Variants in LIMA1 observed in about 807,000 individuals in gnomAD.
LIMA1 encodes the protein LIM domain and actin-binding protein 1.
Under a neutral mutation model 62.6 loss-of-function variants are expected in LIMA1, and 52 were observed. That is an observed-to-expected ratio of 0.83 (90% CI 0.67 to 1.05). The LOEUF (loss-of-function observed/expected upper bound fraction) is 1.05. LIMA1 is among the 50% of genes least tolerant of loss of function. The pLI is 0.00. For missense variants in LIMA1, 780 were observed against 902.2 expected, an observed-to-expected ratio of 0.86 and a Z score of 1.74; for synonymous variants, 302 against 317.8, an observed-to-expected ratio of 0.95 and a Z score of 0.53.
intron 1 of LIMA1, among the ~76,000 whole-genome samples, chr12:50,255,337 A>C (rs1941981055): frequency 6.6e-6 from 1 of 151,900 alleles, no homozygotes; most frequent in Non-Finnish European, 1.5e-5. Context: ...GGCAGATCAC[A>C]TGAGCTCAGG....
At chr12:50,245,513 A>G (rs897326856) in intron 2 of LIMA1, among the ~76,000 whole-genome samples, 3 of 151,914 alleles carry the variant, frequency 2.0e-5, no homozygotes, top group Admixed American at 6.5e-5. Context: ...TTTAATGAGG[A>G]CACCATTGGT....
chr12:50,225,835 T>C (rs2358539), intron 3 of LIMA1, among the ~76,000 whole-genome samples: 56,128 of 152,046 alleles, frequency 0.37, 11,052 homozygotes, highest in South Asian at 0.49. Context: ...TAAGCCACCA[T>C]GCCTGGCCAA....
intron 1 of LIMA1, among the ~76,000 whole-genome samples, chr12:50,277,596 A>G (rs1592574777): frequency 1.3e-5 from 2 of 152,308 alleles, no homozygotes; most frequent in African/African-American, 4.8e-5. Context: ...GTTGATGACA[A>G]CATTAAGTTG....
At chr12:50,278,159 G>A (rs957821717) in intron 1 of LIMA1, among the ~76,000 whole-genome samples, 6 of 151,066 alleles carry the variant, frequency 4.0e-5, no homozygotes, top group African/African-American at 1.2e-4. Context: ...GGTGGCTCAT[G>A]CCTGTAATCC....
At chr12:50,238,096 ATTT>A (rs547839786) in intron 2 of LIMA1, among the ~76,000 whole-genome samples, 47 of 152,036 alleles carry the variant, frequency 3.1e-4, no homozygotes, top group Middle Eastern at 3.4e-3. Flanking sequence ...TCTTATTTTA[ATTT>A]TTTATTATCT....
At chr12:50,179,993 C>T (rs1940458494) in intron 10 of LIMA1, among the ~76,000 whole-genome samples, 1 of 151,624 alleles carries the variant, frequency 6.6e-6, no homozygotes, top group Non-Finnish European at 1.5e-5. Flanking sequence ...GGTGAAACCC[C>T]ATCTCTACTA....
At chr12:50,195,786 G>A (rs767345211) in intron 8 of LIMA1, 44 bp downstream of exon 8, 1 of 1,540,408 alleles carries the variant, frequency 6.5e-7, no homozygotes, top group South Asian at 1.2e-5. Flanking sequence ...AATACAGATA[G>A]AAAACAAGAA....
At chr12:50,183,586 G>A (rs1026044842) in intron 9 of LIMA1, among the ~76,000 whole-genome samples, 1 of 152,032 alleles carries the variant, frequency 6.6e-6, no homozygotes, top group African/African-American at 2.4e-5. Flanking sequence ...GTTGAGGTAG[G>A]CAGATCACGA....
rs1263000294 is a variant in LIMA1, at chr12:50,177,801, G to C, written c.1543C>G (p.Gln515Glu). The C allele has an allele frequency of 6.2e-7, 1 of 1,614,028 alleles. No homozygotes were observed. ...GCTGGCTTGTCTTCCTTCTCCTGCT[G>C]AGAGGAGGCCTTGGCTTCCATACTT... ...AASMEAKASS[Q>E]QEKEDKPAET... The change falls in exon 11 of 11, where the codon CAG becomes GAG. Residue 515 changes from glutamine to glutamate, a missense_variant. Coordinates refer to ENST00000341247, the MANE Select transcript of LIMA1 (RefSeq NM_016357.5).
chr12:50,209,055 T>G (rs1271740357), intron 4 of LIMA1, among the ~76,000 whole-genome samples: 2 of 149,838 alleles, frequency 1.3e-5, no homozygotes, highest in Non-Finnish European at 3.0e-5. Context: ...GGTCTCAAAC[T>G]CTTGGGCTCA....
intron 1 of LIMA1, among the ~76,000 whole-genome samples, chr12:50,283,102 A>C (rs898087651): frequency 6.6e-6 from 1 of 152,082 alleles, no homozygotes; most frequent in African/African-American, 2.4e-5. Flanking sequence ...TTGGAGTTTT[A>C]ATGAATTGTC....
chr12:50,201,069 G>C lies in LIMA1; in HGVS notation c.865-185C>G, dbSNP rs1004631871. 4.3e-6 allele frequency: 6 copies of C among 1,394,992 alleles called. No individual in the cohort carries two copies. In the African/African-American group the frequency reaches 8.7e-5, roughly 20 times the overall value. 86.4% of individuals were successfully genotyped at this position (1,394,992 alleles called of 1,614,324 possible). ...GTGAAATGACAAAAGCAGCTTTGTG[G>C]ACACATACCTCAGAGTTAAATATCT... On this transcript the variant is annotated intron_variant, in intron 6 of 10. Transcript: ENST00000341247.
chr12:50,264,015 G>A (rs1466958526), intron 1 of LIMA1, among the ~76,000 whole-genome samples: 1 of 151,522 alleles, frequency 6.6e-6, no homozygotes, highest in East Asian at 1.9e-4. Flanking sequence ...GCCCATACAA[G>A]GGAATATTAT....
intron 2 of LIMA1, among the ~76,000 whole-genome samples, chr12:50,246,000 G>A (rs1387839628): frequency 1.3e-5 from 2 of 152,124 alleles, no homozygotes; most frequent in African/African-American, 4.8e-5. Flanking sequence ...TTGGGAGGTC[G>A]AGGTGGGCAG....
chr12:50,277,310 CAAATT>C (rs1227966916), intron 1 of LIMA1, among the ~76,000 whole-genome samples: 1 of 151,616 alleles, frequency 6.6e-6, no homozygotes, highest in Non-Finnish European at 1.5e-5. Flanking sequence ...AGGGCACAAA[CAAATT>C]AAGCTGTCCC....
At chr12:50,193,568 A>G (rs915053006) in intron 8 of LIMA1, among the ~76,000 whole-genome samples, 3 of 113,142 alleles carry the variant, frequency 2.7e-5, no homozygotes, top group African/African-American at 1.1e-4. Flanking sequence ...ATATGTATAT[A>G]TGATATATAT....
chr12:50,276,953 C>CA (rs1271078646), intron 1 of LIMA1, among the ~76,000 whole-genome samples: 1 of 151,542 alleles, frequency 6.6e-6, no homozygotes, highest in African/African-American at 2.4e-5. Context: ...GACCACAGGA[C>CA]AAAAAATTAA....
At chr12:50,258,639 C>CTTT (rs34324226) in intron 1 of LIMA1, among the ~76,000 whole-genome samples, 76 of 67,410 alleles carry the variant, frequency 1.1e-3, no homozygotes, top group Non-Finnish European at 1.4e-3. Flanking sequence ...TCTACCTATA[C>CTTT]TTTTTTTTTT....
At chr12:50,232,043 C>CTA (rs1555208244) in intron 2 of LIMA1, among the ~76,000 whole-genome samples, 1 of 83,452 alleles carries the variant, frequency 1.2e-5, no homozygotes, top group Non-Finnish European at 2.2e-5. Flanking sequence ...GAGTGCCCAG[C>CTA]TTTTTTTTTT....
Sources: gnomAD v4.1 joint callset for allele counts (sites outside exome capture counted in the v4.1 genomes callset) on GRCh38, gnomAD v4.1.1 for gene constraint, MANE v1.5 for transcripts, NCBI Gene and HGNC (gene_info 2026-07-23, HGNC 2026-07-21) for gene names.